ADGRB3: variants seen among roughly 807,000 people sequenced by gnomAD.
The protein encoded by ADGRB3 is adhesion G protein-coupled receptor B3, also known as brain-specific angiogenesis inhibitor 3.
Under a neutral mutation model 193.4 loss-of-function variants are expected in ADGRB3, and 37 were observed. The observed-to-expected ratio is 0.19, with a 90% CI of 0.15 to 0.25. ADGRB3 has a LOEUF of 0.25. ADGRB3 is among the 10% of genes least tolerant of loss of function. The probability of loss-of-function intolerance (pLI) is 1.00; values close to 1 mark genes in which losing one functional copy is unlikely to be tolerated. For synonymous variants in ADGRB3, 690 were observed against 644.2 expected (o/e 1.07, Z -1.08); for missense variants, 1,637 against 1,852.9 (o/e 0.88, Z 2.14).
intron 10 of ADGRB3, among the ~76,000 whole-genome samples, chr6:68,983,728 AC>A (rs1179596793): frequency 6.6e-6 from 1 of 152,038 alleles, no homozygotes. Context: ...ATATAAATAG[AC>A]AGGAGATGCG....
At chr6:68,997,785 T>G (rs893141068) in intron 11 of ADGRB3, among the ~76,000 whole-genome samples, 2 of 152,130 alleles carry the variant, frequency 1.3e-5, no homozygotes, top group Non-Finnish European at 2.9e-5. Flanking sequence ...TTATTATTTC[T>G]AAAAGGTAAC....
chr6:68,855,611 TA>T (rs1345866718), intron 3 of ADGRB3, among the ~76,000 whole-genome samples: 5 of 152,272 alleles, frequency 3.3e-5, no homozygotes, highest in African/African-American at 9.6e-5. Flanking sequence ...ATCATTTTTG[TA>T]ACACATGTTA....
intron 16 of ADGRB3, among the ~76,000 whole-genome samples, chr6:69,068,165 C>G (rs937315591): frequency 7.2e-5 from 11 of 152,162 alleles, no homozygotes; most frequent in Admixed American, 5.9e-4. Context: ...AGAATAGTGA[C>G]TCCTCCAAAG....
At position 69,144,334 on chromosome 6, in the gene ADGRB3, T is replaced by G. The variant is rs548773414; in HGVS notation, c.2480+68296T>G. Among the ~76,000 whole-genome samples, 3 of 152,344 alleles carry G rather than the reference T, an allele frequency of 2.0e-5. No homozygotes were observed. In the East Asian group the frequency reaches 5.8e-4, roughly 29 times the overall value. ...TGGAGTATTTAGTTTTTCCCAAATA[T>G]AAGATCATATCATCTGCAAACAAGG... is the stretch of plus-strand genomic sequence containing the variant. On this transcript the variant is annotated intron_variant, in intron 17 of 31. Coordinates refer to ENST00000370598, the MANE Select transcript of ADGRB3 (RefSeq NM_001704.3).
intron 17 of ADGRB3, among the ~76,000 whole-genome samples, chr6:69,158,258 TAC>T (rs1368662762): frequency 6.6e-6 from 1 of 152,114 alleles, no homozygotes; most frequent in African/African-American, 2.4e-5. Context: ...GTTCTTTGGG[TAC>T]CAAATAAACT....
chr6:69,056,057 C>G (rs1417539265), intron 15 of ADGRB3, among the ~76,000 whole-genome samples: 1 of 152,120 alleles, frequency 6.6e-6, no homozygotes, highest in Non-Finnish European at 1.5e-5. Context: ...TCTCAAACTC[C>G]TGGCCTCATG....
chr6:68,691,625 G>A (rs1266368082), intron 3 of ADGRB3, among the ~76,000 whole-genome samples: 1 of 151,816 alleles, frequency 6.6e-6, no homozygotes, highest in Non-Finnish European at 1.5e-5. Flanking sequence ...TTTTAGATAT[G>A]ATTTAAGGAT....
At chr6:68,679,927 G>T (rs548059078) in intron 3 of ADGRB3, among the ~76,000 whole-genome samples, 1 of 152,246 alleles carries the variant, frequency 6.6e-6, no homozygotes, top group African/African-American at 2.4e-5. Flanking sequence ...TTCACATGTT[G>T]AAGTCCTAAT....
At chr6:68,757,221 T>A (rs1292330849) in intron 3 of ADGRB3, among the ~76,000 whole-genome samples, 1 of 152,146 alleles carries the variant, frequency 6.6e-6, no homozygotes, top group Non-Finnish European at 1.5e-5. Context: ...GCACTTAATA[T>A]CCCTGTTTTC....
chr6:68,759,023 C>T (rs1766347194), intron 3 of ADGRB3, among the ~76,000 whole-genome samples: 2 of 152,104 alleles, frequency 1.3e-5, no homozygotes, highest in South Asian at 4.1e-4. Context: ...AATGGTAGGC[C>T]ATGAACTCTA....
chr6:69,206,191 A>C (rs1484894729), intron 17 of ADGRB3, among the ~76,000 whole-genome samples: 3 of 151,408 alleles, frequency 2.0e-5, no homozygotes, highest in Non-Finnish European at 4.4e-5. Flanking sequence ...TTGGAGTCTG[A>C]TGTTTGAGGG....
intron 20 of ADGRB3, among the ~76,000 whole-genome samples, chr6:69,296,973 G>C (rs1223138196): frequency 6.6e-6 from 1 of 152,078 alleles, no homozygotes; most frequent in Non-Finnish European, 1.5e-5. Flanking sequence ...TAAAATCAGA[G>C]TTTGGTTATG....
chr6:69,134,121 A>G (rs1216994333), intron 17 of ADGRB3, among the ~76,000 whole-genome samples: 2 of 151,972 alleles, frequency 1.3e-5, no homozygotes, highest in Non-Finnish European at 2.9e-5. Context: ...TACTTTTGCA[A>G]TTGTGAATTG....
intron 20 of ADGRB3, among the ~76,000 whole-genome samples, chr6:69,316,656 T>A (rs975832745): frequency 1.3e-5 from 2 of 151,446 alleles, no homozygotes; most frequent in African/African-American, 2.4e-5. Context: ...GCTGAAAACA[T>A]CCTATTAATT....
At chr6:68,804,663 A>G (rs1767371346) in intron 3 of ADGRB3, among the ~76,000 whole-genome samples, 1 of 152,162 alleles carries the variant, frequency 6.6e-6, no homozygotes, top group Non-Finnish European at 1.5e-5. Context: ...AAATAATGAA[A>G]GAAATTGAAT....
intron 3 of ADGRB3, among the ~76,000 whole-genome samples, chr6:68,851,281 C>T (rs1768395243): frequency 6.6e-6 from 1 of 151,846 alleles, no homozygotes; most frequent in Non-Finnish European, 1.5e-5. Flanking sequence ...GCCTCTCTAG[C>T]TGTCTTTCTC....
chr6:68,952,348 T>C lies in ADGRB3; in HGVS notation c.1196-3676T>C, dbSNP rs1767950640. 3.3e-5 allele frequency among the ~76,000 whole-genome samples: 5 copies of C among 152,248 alleles called. No homozygotes were observed. The South Asian group carries it at 1.0e-3, about 31-fold the overall frequency. On this transcript the variant is annotated intron_variant, in intron 6 of 31. Coordinates refer to ENST00000370598, the MANE Select transcript of ADGRB3 (RefSeq NM_001704.3). ...ACATAAAATGTCTGTTGTCTGTATATATGTATGTGTGTGTATATATTACAT... is the reference window on the plus strand; with the variant it reads ...ACATAAAATGTCTGTTGTCTGTATACATGTATGTGTGTGTATATATTACAT...
chr6:69,062,688 A>G (rs2150307868), intron 15 of ADGRB3, among the ~76,000 whole-genome samples: 1 of 152,100 alleles, frequency 6.6e-6, no homozygotes. Context: ...TCAAAAGCTT[A>G]TCAGTGCTGT....
At chr6:68,871,789 T>C (rs1765462494) in intron 3 of ADGRB3, among the ~76,000 whole-genome samples, 1 of 152,160 alleles carries the variant, frequency 6.6e-6, no homozygotes, top group Non-Finnish European at 1.5e-5. Flanking sequence ...TCTTAATCAT[T>C]AATGACATTA....
Sources: gnomAD v4.1 joint callset for allele counts (sites outside exome capture counted in the v4.1 genomes callset) on GRCh38, gnomAD v4.1.1 for gene constraint, MANE v1.5 for transcripts, NCBI Gene and HGNC (gene_info 2026-07-23, HGNC 2026-07-21) for gene names.